The following CACNA2D3 variants were observed in gnomAD, a reference collection of about 807,000 sequenced individuals.
CACNA2D3 encodes the protein calcium voltage-gated channel auxiliary subunit alpha2delta 3, also known as voltage-dependent calcium channel subunit alpha-2/delta-3.
In CACNA2D3, 60 loss-of-function variants were observed where a neutral mutation model predicts 160.6. The observed-to-expected ratio is 0.37, with a 90% CI of 0.30 to 0.46. CACNA2D3 has a LOEUF of 0.46. Ranked by LOEUF, CACNA2D3 falls within the 20% of genes least tolerant of loss-of-function variation. The pLI is 1.00. For synonymous variants in CACNA2D3, 558 were observed against 492.9 expected, an observed-to-expected ratio of 1.13 and a Z score of -1.75; for missense variants, 1,205 against 1,365.0, an observed-to-expected ratio of 0.88 and a Z score of 1.85.
chr3:55,070,980 A>C (rs1315826862), intron 35 of CACNA2D3, among the ~76,000 whole-genome samples: 1 of 152,156 alleles, frequency 6.6e-6, no homozygotes, highest in African/African-American at 2.4e-5. Context: ...CCATATTTTT[A>C]ACAGATCATG....
intron 27 of CACNA2D3, among the ~76,000 whole-genome samples, chr3:54,909,651 T>A (rs1023102338): frequency 6.6e-6 from 1 of 151,244 alleles, no homozygotes; most frequent in African/African-American, 2.4e-5. Flanking sequence ...TGATTTTTTT[T>A]TTTTTTTTTT....
At chr3:54,427,873 C>T (rs1406940844) in intron 4 of CACNA2D3, among the ~76,000 whole-genome samples, 1 of 152,202 alleles carries the variant, frequency 6.6e-6, no homozygotes, top group African/African-American at 2.4e-5. Context: ...ACCCTCCTCC[C>T]TGACCAGCAT....
At chr3:54,681,575 A>C (rs1700352546) in intron 11 of CACNA2D3, among the ~76,000 whole-genome samples, 1 of 151,716 alleles carries the variant, frequency 6.6e-6, no homozygotes, top group South Asian at 2.1e-4. Flanking sequence ...AAAAAAAAGA[A>C]TAGTGAAAAT....
intron 4 of CACNA2D3, among the ~76,000 whole-genome samples, chr3:54,474,291 C>CA (rs1307692844): frequency 6.6e-6 from 1 of 152,004 alleles, no homozygotes; most frequent in African/African-American, 2.4e-5. Context: ...AGCAAACTAA[C>CA]ACGGGAACTG....
intron 2 of CACNA2D3, among the ~76,000 whole-genome samples, chr3:54,132,011 A>G (rs532160997): frequency 6.6e-6 from 1 of 152,332 alleles, no homozygotes; most frequent in South Asian, 2.1e-4. Context: ...GAGACAGTAA[A>G]TTTACTGGAT....
chr3:54,776,551 A>G (rs34567311), intron 13 of CACNA2D3, among the ~76,000 whole-genome samples: 11,483 of 152,210 alleles, frequency 0.075, 572 homozygotes, highest in Middle Eastern at 0.16. Flanking sequence ...AAACAAAGAC[A>G]AAACAACAAA....
At chr3:55,029,828 A>G (rs1322666512) in intron 35 of CACNA2D3, among the ~76,000 whole-genome samples, 2 of 152,238 alleles carry the variant, frequency 1.3e-5, no homozygotes, top group Non-Finnish European at 2.9e-5. Flanking sequence ...TTGCAAGCAT[A>G]TGCTAATTTG....
chr3:54,927,968 G>C, intron 27 of CACNA2D3: 2 of 1,563,690 alleles, frequency 1.3e-6, no homozygotes, highest in South Asian at 1.1e-5. Context: ...TTAATGTGCA[G>C]AGCAACACAC....
intron 35 of CACNA2D3, among the ~76,000 whole-genome samples, chr3:55,024,437 G>A (rs577105535): frequency 1.5e-3 from 226 of 152,216 alleles, no homozygotes; most frequent in African/African-American, 5.2e-3. Context: ...CAATGTGATA[G>A]TATTAAGAAG....
intron 5 of CACNA2D3, among the ~76,000 whole-genome samples, chr3:54,508,193 G>A (rs1183514425): frequency 6.6e-6 from 1 of 152,222 alleles, no homozygotes; most frequent in Non-Finnish European, 1.5e-5. Flanking sequence ...ATGGAGCCTG[G>A]AAGGGCTGGC....
chr3:54,282,686 A>G (rs1280918000), intron 2 of CACNA2D3, among the ~76,000 whole-genome samples: 1 of 152,242 alleles, frequency 6.6e-6, no homozygotes, highest in African/African-American at 2.4e-5. Context: ...TCATGAATTT[A>G]CAGTGTAGTG....
chr3:54,717,769 TG>T (rs1701085741), intron 11 of CACNA2D3, among the ~76,000 whole-genome samples: 1 of 138,770 alleles, frequency 7.2e-6, no homozygotes, highest in Non-Finnish European at 1.6e-5. Context: ...AGCGTGTGTG[TG>T]GTGTGTGTGC....
At chr3:55,019,413 T>G (rs1044818713) in intron 35 of CACNA2D3, among the ~76,000 whole-genome samples, 6 of 149,546 alleles carry the variant, frequency 4.0e-5, no homozygotes, top group African/African-American at 1.5e-4. Context: ...ATAATTACTA[T>G]TTTTTATAAT....
intron 2 of CACNA2D3, among the ~76,000 whole-genome samples, chr3:54,315,993 A>G (rs995340106): frequency 6.6e-5 from 10 of 152,292 alleles, no homozygotes; most frequent in Admixed American, 2.6e-4. Context: ...GCAAAAGAAG[A>G]AAGAAAAAAA....
chr3:54,855,735 T>C (rs1384002242), intron 17 of CACNA2D3, among the ~76,000 whole-genome samples: 1 of 152,184 alleles, frequency 6.6e-6, no homozygotes, highest in Non-Finnish European at 1.5e-5. Context: ...AGAATTTCCA[T>C]ATTCCCTTCC....
chr3:54,242,275 AAAAC>A (rs1553765137), intron 2 of CACNA2D3, among the ~76,000 whole-genome samples: 3 of 150,552 alleles, frequency 2.0e-5, no homozygotes, highest in South Asian at 2.1e-4. Flanking sequence ...ACAAAAAACA[AAAAC>A]AAACAAACAA....
intron 2 of CACNA2D3, among the ~76,000 whole-genome samples, chr3:54,177,380 C>G (rs544841057): frequency 9.2e-5 from 14 of 152,288 alleles, no homozygotes; most frequent in African/African-American, 2.9e-4. Flanking sequence ...CTTCAGTTTC[C>G]TCAGTTTCAC....
At chr3:54,838,510 C>A in intron 15 of CACNA2D3, 58 bp from the exon 16 acceptor site, 1 of 1,354,678 alleles carries the variant, frequency 7.4e-7, no homozygotes, top group Non-Finnish European at 1.1e-6. Flanking sequence ...TCGTGAGATT[C>A]TATTTCTTTT....
At chr3:54,706,608 G>A (rs1700861479) in intron 11 of CACNA2D3, among the ~76,000 whole-genome samples, 1 of 152,168 alleles carries the variant, frequency 6.6e-6, no homozygotes, top group Non-Finnish European at 1.5e-5. Context: ...CACCTCAGTA[G>A]ACTGTACCTT....
Sources: allele counts gnomAD v4.1 joint callset (sites outside exome capture counted in the v4.1 genomes callset), GRCh38; gene constraint gnomAD v4.1.1; transcripts MANE v1.5; gene names NCBI Gene and HGNC (gene_info 2026-07-23, HGNC 2026-07-21).